ADAMTSL1: variants seen among roughly 807,000 people sequenced by gnomAD.
ADAMTSL1 encodes ADAMTS like 1, also known as ADAMTS-like protein 1.
A neutral mutation model predicts 201.8 loss-of-function variants in ADAMTSL1; 126 were observed. The observed-to-expected ratio is 0.62, with a 90% CI of 0.54 to 0.72. The LOEUF (loss-of-function observed/expected upper bound fraction) is 0.72. Ranked by LOEUF, ADAMTSL1 falls within the 30% of genes least tolerant of loss-of-function variation. The pLI is 0.00. For synonymous variants in ADAMTSL1, 1,121 were observed against 903.4 expected, an observed-to-expected ratio of 1.24 and a Z score of -4.32; for missense variants, 2,679 against 2,277.8, an observed-to-expected ratio of 1.18 and a Z score of -3.59.
Position 18,880,078 on chromosome 9 carries a change from T to C in ADAMTSL1, c.4250-7753T>C, listed in dbSNP as rs947516954. 5.6e-4 allele frequency among the ~76,000 whole-genome samples: 86 copies of C among 152,310 alleles called. 1 individual carries two copies. Among genetic ancestry groups the C allele is most frequent in the Middle Eastern group, 6.8e-3 (2 of 294 alleles). On this transcript the variant is annotated intron_variant, in intron 23 of 28. Transcript: ENST00000380548. ...AGTTTTATTATGATATTGCAGCAAT[T>C]CAGTCACATCTTCAGGCTTTACTTC...
intron 2 of ADAMTSL1, among the ~76,000 whole-genome samples, chr9:18,451,628 A>G (rs1820409316): frequency 6.6e-6 from 1 of 152,230 alleles, no homozygotes; most frequent in African/African-American, 2.4e-5. Flanking sequence ...TACAAATTTC[A>G]GCTCCATGTG....
rs999078647 is a variant in ADAMTSL1, at chr9:18,005,717, G to A, written c.87+98795G>A. ...AAAGTGAGTGATAGGAGTATGGAAC[G>A]TAGTGATAGGAATGTGCTAGAGGCA... is the stretch of plus-strand genomic sequence containing the variant. On this transcript the variant is annotated intron_variant, in intron 1 of 29. Transcript: ENST00000680146. Among the ~76,000 whole-genome samples the A allele has an allele frequency of 6.6e-5, 10 of 152,172 alleles. No individual in the cohort carries two copies. The South Asian group carries it at 1.2e-3, about 19-fold the overall frequency.
In ADAMTSL1 at chr9:18,816,148, C is replaced by A. The variant is rs563313901; in HGVS notation, c.3806-961C>A. Among the ~76,000 whole-genome samples the A allele has an allele frequency of 5.3e-5, 8 of 152,302 alleles. No homozygotes were observed. In the East Asian group the frequency reaches 1.5e-3, roughly 29 times the overall value. On this transcript the variant is annotated intron_variant, in intron 20 of 28. Coordinates refer to ENST00000380548, the MANE Select transcript of ADAMTSL1 (RefSeq NM_001040272.6). ...CTCTCGCTATCTTCCTCTCCCCGCT[C>A]CCTTCCCCAGTCTCTGTTAACCACT...
chr9:18,108,440 TCCTCCCG>T (rs1458300060), intron 1 of ADAMTSL1, among the ~76,000 whole-genome samples: 2 of 152,054 alleles, frequency 1.3e-5, no homozygotes, highest in Admixed American at 6.6e-5. Context: ...GCTCAAGACA[TCCTCCCG>T]CCTTGGCCTC....
Position 18,408,164 on chromosome 9 carries a change from T to C in ADAMTSL1, c.208-96665T>C, listed in dbSNP as rs571741582. The stretch of plus-strand genomic sequence containing the variant: ...AGCTGAGAGGAACAGCTATCCATCC[T>C]TTCATTTCAGAAGTATATTAAGGGC... On this transcript the variant is annotated intron_variant, in intron 2 of 29. Coordinates refer to the ADAMTSL1 transcript ENST00000680146. Among the ~76,000 whole-genome samples the C allele has an allele frequency of 6.6e-5, 10 of 152,290 alleles. No individual in the cohort carries two copies. In the East Asian group the frequency reaches 1.7e-3, roughly 26 times the overall value.
chr9:18,654,193 C>A (rs968244874), intron 7 of ADAMTSL1, among the ~76,000 whole-genome samples: 1 of 152,200 alleles, frequency 6.6e-6, no homozygotes, highest in Non-Finnish European at 1.5e-5. Flanking sequence ...CACGCCACTT[C>A]GCTCCACCCT....
chr9:18,199,249 T>G (rs1170595612), intron 2 of ADAMTSL1, among the ~76,000 whole-genome samples: 1 of 151,980 alleles, frequency 6.6e-6, no homozygotes, highest in Non-Finnish European at 1.5e-5. Flanking sequence ...CCCTAAAACT[T>G]AAAGTGTAAT....
intron 2 of ADAMTSL1, among the ~76,000 whole-genome samples, chr9:18,216,411 A>T (rs1305315000): frequency 6.6e-6 from 1 of 152,196 alleles, no homozygotes; most frequent in Non-Finnish European, 1.5e-5. Flanking sequence ...TTTCACCACA[A>T]TTCTTTTGCA....
chr9:18,816,785 T>A (rs187574602), intron 20 of ADAMTSL1, among the ~76,000 whole-genome samples: 5,411 of 149,452 alleles, frequency 0.036, 143 homozygotes, highest in South Asian at 0.084. Flanking sequence ...AATTTAATTT[T>A]AAAAAATTTA....
At chr9:18,742,109 T>C (rs1378345653) in intron 15 of ADAMTSL1, among the ~76,000 whole-genome samples, 1 of 152,228 alleles carries the variant, frequency 6.6e-6, no homozygotes, top group Non-Finnish European at 1.5e-5. Flanking sequence ...ACCATTCCTA[T>C]TGGATTAGGA....
intron 1 of ADAMTSL1, among the ~76,000 whole-genome samples, chr9:18,134,970 G>A (rs1826097393): frequency 1.3e-5 from 2 of 152,204 alleles, no homozygotes; most frequent in East Asian, 1.9e-4. Flanking sequence ...TTTCATCTGG[G>A]TAATTACACT....
At chr9:18,826,208 C>T (rs1207389348) in intron 21 of ADAMTSL1, 76 bp from the exon 22 acceptor site, 14 of 1,523,658 alleles carry the variant, frequency 9.2e-6, no homozygotes, top group Non-Finnish European at 1.2e-5. Flanking sequence ...ATTCAAGAAG[C>T]TATAAATGCC....
chr9:18,191,377 G>A (rs1231011089), intron 2 of ADAMTSL1, among the ~76,000 whole-genome samples: 1 of 152,164 alleles, frequency 6.6e-6, no homozygotes, highest in Non-Finnish European at 1.5e-5. Context: ...TGCATTGACT[G>A]GGAGGCCCAG....
chr9:18,079,132 T>G (rs1349930566), intron 1 of ADAMTSL1, among the ~76,000 whole-genome samples: 1 of 152,152 alleles, frequency 6.6e-6, no homozygotes. Context: ...ATCCTTTCCT[T>G]TGATGGTGGG....
chr9:18,707,770 G>A (rs777513422), intron 14 of ADAMTSL1, among the ~76,000 whole-genome samples: 3 of 152,180 alleles, frequency 2.0e-5, no homozygotes, highest in East Asian at 1.9e-4. Context: ...GTTAACTCAC[G>A]TTAAATGTTT....
At chr9:18,167,208 T>C (rs1827673458) in intron 2 of ADAMTSL1, among the ~76,000 whole-genome samples, 1 of 151,980 alleles carries the variant, frequency 6.6e-6, no homozygotes, top group South Asian at 2.1e-4. Flanking sequence ...AAAAACAGGA[T>C]GATAATTAAC....
intron 23 of ADAMTSL1, among the ~76,000 whole-genome samples, chr9:18,869,331 A>G (rs555921053): frequency 6.6e-6 from 1 of 152,214 alleles, no homozygotes; most frequent in Non-Finnish European, 1.5e-5. Context: ...GCAACCCTAG[A>G]AAACTAATAC....
Position 18,590,371 on chromosome 9 carries a change from C to T in ADAMTSL1, c.474+16105C>T, listed in dbSNP as rs1823827870. Among the ~76,000 whole-genome samples the T allele has an allele frequency of 2.6e-5, 4 of 152,070 alleles. No individual in the cohort carries two copies. The South Asian group carries it at 8.3e-4, about 32-fold the overall frequency. On this transcript the variant is annotated intron_variant, in intron 4 of 28. Transcript: ENST00000380548. ...GTGTCACCTGTAATGTTTCCTTTTT[C>T]ATCTCTGATTTTAATTATTTGAGTC...
rs191145777 is a variant in ADAMTSL1, at chr9:18,614,417, G to A, written c.475-7826G>A. Among the ~76,000 whole-genome samples, 260 of 152,200 alleles carry A rather than the reference G, an allele frequency of 1.7e-3. 2 individuals carry two copies. The highest frequency in any genetic ancestry group is 6.1e-3 in the African/African-American group (252 of 41,536). On this transcript the variant is annotated intron_variant, in intron 4 of 28. Transcript: ENST00000380548. Reference sequence around the variant, plus strand: ...AACAAATCCTAGTAATGCGATTTGCGGCAAGTTGTGTTATCTTTCTGTTTC... The same window carrying A: ...AACAAATCCTAGTAATGCGATTTGCAGCAAGTTGTGTTATCTTTCTGTTTC...
Sources: allele counts gnomAD v4.1 joint callset (sites outside exome capture counted in the v4.1 genomes callset), GRCh38; gene constraint gnomAD v4.1.1; transcripts MANE v1.5; gene names NCBI Gene and HGNC (gene_info 2026-07-23, HGNC 2026-07-21).